The following TTC6 variants were observed in gnomAD, a reference collection of about 807,000 sequenced individuals.
The protein encoded by TTC6 is tetratricopeptide repeat domain 6.
TTC6 carries 172 observed loss-of-function variants against 210.4 expected under a neutral mutation model. That is an observed-to-expected ratio of 0.82 (90% CI 0.72 to 0.93). The LOEUF (loss-of-function observed/expected upper bound fraction) is 0.93. TTC6 is among the 40% of genes least tolerant of loss of function. The probability of loss-of-function intolerance (pLI) is 0.00; values close to 1 mark genes in which losing one functional copy is unlikely to be tolerated. For missense variants in TTC6, 2,414 were observed against 2,318.1 expected (o/e 1.04, Z -0.85); for synonymous variants, 804 against 819.6 (o/e 0.98, Z 0.32).
chr14:37,833,372 T>G (rs984413866), intron 29 of TTC6, among the ~76,000 whole-genome samples: 5 of 152,204 alleles, frequency 3.3e-5, no homozygotes, highest in African/African-American at 1.2e-4. Flanking sequence ...AATGACATTG[T>G]TAGTCTCTTC....
chr14:37,690,024 C>G (rs2095800775), intron 3 of TTC6, among the ~76,000 whole-genome samples: 1 of 151,818 alleles, frequency 6.6e-6, no homozygotes, highest in East Asian at 1.9e-4. Flanking sequence ...ATAAACAGTA[C>G]CATAGATATA....
chr14:37,777,439 C>G (rs2096041153), intron 14 of TTC6, among the ~76,000 whole-genome samples: 1 of 151,974 alleles, frequency 6.6e-6, no homozygotes, highest in African/African-American at 2.4e-5. Flanking sequence ...TGCTTTTTTT[C>G]AGCTCTATCA....
intron 14 of TTC6, among the ~76,000 whole-genome samples, chr14:37,753,523 T>G (rs1202557134): frequency 6.6e-6 from 1 of 152,196 alleles, no homozygotes; most frequent in Admixed American, 6.5e-5. Flanking sequence ...ATATCCTTTG[T>G]ACTTTGAGCA....
At chr14:37,739,587 A>AAG (rs1555393321) in intron 10 of TTC6, among the ~76,000 whole-genome samples, 60 of 136,748 alleles carry the variant, frequency 4.4e-4, no homozygotes, top group African/African-American at 7.2e-4. Flanking sequence ...AAAAAAAAAA[A>AAG]AAAGAAAGAC....
In TTC6 at chr14:37,795,263, T is replaced by C. The variant is rs1187375757; in HGVS notation, c.3709-7T>C. ...TAGGAGCTAAATTTCTGTTTCTCAC[T>C]CAACAGTTGCATAAATTGAAAAAGG... is the stretch of plus-strand genomic sequence containing the variant. On this transcript the variant is annotated splice_polypyrimidine_tract_variant and splice_region_variant and intron_variant, in intron 17 of 30. Transcript: ENST00000553443. The C allele has an allele frequency of 6.6e-7, 1 of 1,526,344 alleles. No individual in the cohort carries two copies. The highest frequency in any genetic ancestry group is 2.0e-5 in the Admixed American group (1 of 49,920). 94.6% of individuals were successfully genotyped at this position (1,526,344 alleles called of 1,614,324 possible).
intron 29 of TTC6, 97 bp downstream of exon 31, chr14:37,827,463 A>C: frequency 8.9e-7 from 1 of 1,124,822 alleles, no homozygotes; most frequent in Non-Finnish European, 1.3e-6. Flanking sequence ...TCAGGCTAAT[A>C]ATGCATTGGC....
chr14:37,792,057 A>G (rs575461885), intron 16 of TTC6, among the ~76,000 whole-genome samples: 1 of 152,324 alleles, frequency 6.6e-6, no homozygotes, highest in South Asian at 2.1e-4. Context: ...CAGACCTTAA[A>G]AACATTAATT....
At chr14:37,808,794 C>T (rs4901284) in exon 24 of TTC6, 533,696 of 1,512,306 alleles carry the variant, frequency 0.35, 99,812 homozygotes, top group Admixed American at 0.45. Context: ...AATAGTTATA[C>T]AGCATTTTAT....
At chr14:37,841,854 C>G (rs1037642384) in intron 30 of TTC6, among the ~76,000 whole-genome samples, 184 bp downstream of exon 32, 9 of 152,032 alleles carry the variant, frequency 5.9e-5, no homozygotes, top group Admixed American at 2.0e-4. Flanking sequence ...TAACTTAAAG[C>G]TGTGGTAAAC....
At chr14:37,700,202 C>A (rs12435334) in intron 4 of TTC6, among the ~76,000 whole-genome samples, 51,568 of 151,906 alleles carry the variant, frequency 0.34, 10,208 homozygotes, top group Admixed American at 0.48. Flanking sequence ...GGAGAAGGGC[C>A]ACTTCCACCC....
chr14:37,617,257 G>T (rs1408009515), upstream of TTC6, among the ~76,000 whole-genome samples: 1 of 152,130 alleles, frequency 6.6e-6, no homozygotes. Flanking sequence ...GAAGAAAAAC[G>T]CAGGGGAGTA....
chr14:37,622,290 TA>T lies in TTC6; in HGVS notation c.227del (p.Tyr76SerfsTer58). 5 of 1,534,926 alleles carry T rather than the reference TA, an allele frequency of 3.3e-6. No individual in the cohort carries two copies. The highest frequency in any genetic ancestry group is 4.4e-6 in the Non-Finnish European group (5 of 1,146,330). On this transcript the variant is annotated frameshift_variant, in exon 1 of 31. Transcript: ENST00000553443. LOFTEE classifies it high-confidence loss of function. ...CGCCGCAGCCCGGACGTCGAGAAGATACCCTTCGCTTAAAGGCCCTGCGATG... is the reference window on the plus strand; with the variant it reads ...CGCCGCAGCCCGGACGTCGAGAAGATCCCTTCGCTTAAAGGCCCTGCGATG...
At chr14:37,787,152 A>G (rs2096069676) in intron 14 of TTC6, among the ~76,000 whole-genome samples, 1 of 152,184 alleles carries the variant, frequency 6.6e-6, no homozygotes, top group African/African-American at 2.4e-5. Context: ...CATTTTTGGG[A>G]ATCAATAAAT....
At chr14:37,825,314 T>G (rs1441684795) in intron 27 of TTC6, among the ~76,000 whole-genome samples, 1 of 152,144 alleles carries the variant, frequency 6.6e-6, no homozygotes, top group Non-Finnish European at 1.5e-5. Flanking sequence ...CAGTGTGGAT[T>G]TACAAATGGT....
At chr14:37,635,455 A>G (rs1417995810) in intron 1 of TTC6, among the ~76,000 whole-genome samples, 2 of 152,248 alleles carry the variant, frequency 1.3e-5, no homozygotes, top group South Asian at 2.1e-4. Flanking sequence ...AAATCCTAAG[A>G]TATCAGTAAC....
chr14:37,664,533 C>T (rs1308628316), intron 1 of TTC6, among the ~76,000 whole-genome samples: 3 of 150,344 alleles, frequency 2.0e-5, no homozygotes, highest in African/African-American at 7.3e-5. Flanking sequence ...ATGTAAAACC[C>T]CAAACTACAA....
At chr14:37,657,851 T>A (rs1407196467) in intron 1 of TTC6, among the ~76,000 whole-genome samples, 1 of 152,084 alleles carries the variant, frequency 6.6e-6, no homozygotes. Context: ...AGGAGAGAGT[T>A]TGATTTTTTT....
At chr14:37,753,743 ATT>A (rs3062809) in intron 14 of TTC6, among the ~76,000 whole-genome samples, 32,421 of 139,296 alleles carry the variant, frequency 0.23, 4,270 homozygotes, top group Middle Eastern at 0.31. Flanking sequence ...TAATTTTTCA[ATT>A]TTTTTTTTTT....
intron 1 of TTC6, among the ~76,000 whole-genome samples, 194 bp from the exon 4 acceptor site, chr14:37,679,957 C>T (rs190079583): frequency 3.2e-4 from 48 of 151,810 alleles, no homozygotes; most frequent in South Asian, 1.9e-3. Flanking sequence ...CCCAAAGTGC[C>T]GGGATTACAG....
Sources: allele counts gnomAD v4.1 joint callset (sites outside exome capture counted in the v4.1 genomes callset), GRCh38; gene constraint gnomAD v4.1.1; transcripts MANE v1.5; gene names NCBI Gene and HGNC (gene_info 2026-07-23, HGNC 2026-07-21).